The following BCL7B variants were observed in gnomAD, a reference collection of about 807,000 sequenced individuals.
BCL7B encodes BAF chromatin remodeling complex subunit BCL7B.
In BCL7B, 11 loss-of-function variants were observed where a neutral mutation model predicts 26.5. The observed-to-expected ratio is 0.42, with a 90% CI of 0.26 to 0.69. BCL7B has a LOEUF of 0.69. Among genes scored for constraint, BCL7B ranks in the 30% least tolerant of loss-of-function variants. BCL7B has a pLI of 0.28. For missense variants in BCL7B, 215 were observed against 264.4 expected (o/e 0.81, Z 1.30); for synonymous variants, 111 against 107.9 (o/e 1.03, Z -0.18).
At chr7:73,556,791 G>A (rs1792377400) in intron 1 of BCL7B, among the ~76,000 whole-genome samples, 1 of 152,226 alleles carries the variant, frequency 6.6e-6, no homozygotes, top group South Asian at 2.1e-4. Flanking sequence ...CTACTTGGAA[G>A]TGAGAAAAAT....
intron 1 of BCL7B, among the ~76,000 whole-genome samples, chr7:73,556,562 G>A (rs1481553646): frequency 6.6e-6 from 1 of 152,192 alleles, no homozygotes; most frequent in East Asian, 1.9e-4. Flanking sequence ...TGATGACTCC[G>A]ATACACACCG....
intron 3 of BCL7B, among the ~76,000 whole-genome samples, chr7:73,541,465 CTTTTT>C: frequency 7.3e-6 from 1 of 136,544 alleles, no homozygotes. Context: ...ATACCCAGTA[CTTTTT>C]TTTTTTTTTT....
At chr7:73,550,909 G>C (rs973875993) in intron 2 of BCL7B, among the ~76,000 whole-genome samples, 2 of 151,794 alleles carry the variant, frequency 1.3e-5, no homozygotes. Context: ...CGCCCGTCTC[G>C]GCCTCCCAAA....
chr7:73,552,342 T>C (rs1554584263), intron 1 of BCL7B, 100 bp from the exon 2 acceptor site: 8 of 983,782 alleles, frequency 8.1e-6, no homozygotes, highest in African/African-American at 1.7e-5. Context: ...TCCTTCAATC[T>C]GGAATCCTTC....
At chr7:73,546,156 A>G (rs1791949570) in intron 2 of BCL7B, among the ~76,000 whole-genome samples, 1 of 151,534 alleles carries the variant, frequency 6.6e-6, no homozygotes, top group Admixed American at 6.6e-5. Context: ...AAAAGAAAGA[A>G]AAACTACGGA....
chr7:73,540,771 A>G (rs1463597598), intron 3 of BCL7B, among the ~76,000 whole-genome samples: 2 of 131,922 alleles, frequency 1.5e-5, no homozygotes, highest in African/African-American at 2.8e-5. Flanking sequence ...CAGAGCTTGC[A>G]GTGAGCCGAG....
At chr7:73,541,370 G>A (rs1470597487) in intron 3 of BCL7B, among the ~76,000 whole-genome samples, 3 of 151,448 alleles carry the variant, frequency 2.0e-5, no homozygotes, top group African/African-American at 7.3e-5. Context: ...CCAGTCTCAC[G>A]TACCTTAAAC....
intron 2 of BCL7B, among the ~76,000 whole-genome samples, chr7:73,550,819 G>T (rs1304710203): frequency 2.0e-5 from 3 of 151,598 alleles, no homozygotes; most frequent in African/African-American, 7.3e-5. Context: ...CACCATGCCC[G>T]GCTAATTTTT....
At chr7:73,555,352 A>G (rs1361888809) in intron 1 of BCL7B, among the ~76,000 whole-genome samples, 3 of 149,958 alleles carry the variant, frequency 2.0e-5, no homozygotes, top group African/African-American at 7.4e-5. Flanking sequence ...CCGTGAGCCA[A>G]GATCGCACCA....
chr7:73,541,198 T>C (rs1272051244), intron 3 of BCL7B, among the ~76,000 whole-genome samples: 1 of 151,966 alleles, frequency 6.6e-6, no homozygotes, highest in Admixed American at 6.6e-5. Context: ...GAGTCACCAA[T>C]GCATTCCTCC....
At chr7:73,540,747 A>G (rs906388381) in intron 3 of BCL7B, among the ~76,000 whole-genome samples, 1 of 143,030 alleles carries the variant, frequency 7.0e-6, no homozygotes, top group Non-Finnish European at 1.5e-5. Context: ...GAAGAATGGC[A>G]TGAACCTAGA....
At chr7:73,551,651 G>C (rs980058078) in intron 2 of BCL7B, among the ~76,000 whole-genome samples, 1 of 152,130 alleles carries the variant, frequency 6.6e-6, no homozygotes. Context: ...GAATACGCCA[G>C]GGCTGTAGTT....
intron 2 of BCL7B, among the ~76,000 whole-genome samples, chr7:73,546,239 G>A (rs1020766555): frequency 6.6e-6 from 1 of 152,102 alleles, no homozygotes; most frequent in African/African-American, 2.4e-5. Context: ...AATAAAAGGT[G>A]AGTGCACGCA....
chr7:73,546,982 G>A (rs1162900731), intron 2 of BCL7B, among the ~76,000 whole-genome samples: 1 of 150,652 alleles, frequency 6.6e-6, no homozygotes, highest in Non-Finnish European at 1.5e-5. Flanking sequence ...CTGACAACAC[G>A]GAGAAACCCC....
intron 4 of BCL7B, among the ~76,000 whole-genome samples, chr7:73,538,781 C>T (rs1791637212): frequency 7.3e-6 from 1 of 137,824 alleles, no homozygotes; most frequent in South Asian, 2.3e-4. Context: ...CCACTGCATT[C>T]TAGCCTGGGC....
At chr7:73,545,276 A>G (rs1791910926) in intron 2 of BCL7B, among the ~76,000 whole-genome samples, 1 of 152,108 alleles carries the variant, frequency 6.6e-6, no homozygotes, top group African/African-American at 2.4e-5. Context: ...GCCATGGCAC[A>G]ATCTCGGCTC....
chr7:73,557,278 C>T, intron 1 of BCL7B: 3 of 1,135,870 alleles, frequency 2.6e-6, no homozygotes, highest in Non-Finnish European at 3.2e-6. Flanking sequence ...AGCAGGTGGG[C>T]GGGCCCGCGA....
At position 73,537,402 on chromosome 7, in the gene BCL7B, C is replaced by G. The variant is rs782314388; in HGVS notation, c.517-12G>C. ...TCTTCCTCAACGACCTAGGAGCAGG[C>G]AGAGCATGGAATGCCAGGGCCACCC... On this transcript the variant is annotated splice_polypyrimidine_tract_variant and intron_variant, in intron 5 of 5. Transcript: ENST00000223368. 5 of 1,612,080 alleles carry G rather than the reference C, an allele frequency of 3.1e-6. No homozygotes were observed. In the South Asian group the frequency reaches 5.5e-5, roughly 18 times the overall value.
chr7:73,539,293 C>G (rs1229358963), intron 4 of BCL7B, among the ~76,000 whole-genome samples: 1 of 149,502 alleles, frequency 6.7e-6, no homozygotes, highest in Non-Finnish European at 1.5e-5. Flanking sequence ...ACTCTGTTGC[C>G]CAGGCAAGAA....
Sources: allele counts gnomAD v4.1 joint callset (sites outside exome capture counted in the v4.1 genomes callset), GRCh38; gene constraint gnomAD v4.1.1; transcripts MANE v1.5; gene names NCBI Gene and HGNC (gene_info 2026-07-23, HGNC 2026-07-21).